The following TUSC3 variants were observed in gnomAD, a reference collection of about 807,000 sequenced individuals.
TUSC3 encodes the protein dolichyl-diphosphooligosaccharide--protein glycosyltransferase subunit TUSC3.
TUSC3 carries 45 observed loss-of-function variants against 44.8 expected under a neutral mutation model. The ratio of observed to expected loss-of-function variants is 1.00; its 90% CI spans 0.79 to 1.29. The LOEUF is 1.29. Among genes scored for constraint, TUSC3 ranks in the 50% most tolerant of loss-of-function variants. The pLI is 0.00. For synonymous variants in TUSC3, 212 were observed against 152.9 expected, an observed-to-expected ratio of 1.39 and a Z score of -2.85; for missense variants, 519 against 437.9, an observed-to-expected ratio of 1.19 and a Z score of -1.65.
intron 1 of TUSC3, among the ~76,000 whole-genome samples, chr8:15,457,737 CTAA>C (rs1412915895): frequency 1.4e-5 from 2 of 146,260 alleles, no homozygotes; most frequent in African/African-American, 5.0e-5. Context: ...AATAAAATAT[CTAA>C]TAATTTAAAA....
At chr8:15,506,429 C>G (rs1053867491) in intron 2 of TUSC3, among the ~76,000 whole-genome samples, 13 of 152,278 alleles carry the variant, frequency 8.5e-5, no homozygotes, top group African/African-American at 3.1e-4. Context: ...ATTATCTGAC[C>G]TAACTTGTTT....
intron 2 of TUSC3, among the ~76,000 whole-genome samples, chr8:15,507,772 A>AAG (rs142572306): frequency 0.21 from 31,833 of 151,808 alleles, 3,824 homozygotes; most frequent in East Asian, 0.5. Flanking sequence ...TACTTGGGAA[A>AAG]AGAGAGAGAG....
downstream of TUSC3, among the ~76,000 whole-genome samples, chr8:15,771,040 A>G (rs1323607336): frequency 7.9e-5 from 12 of 152,208 alleles, no homozygotes; most frequent in Admixed American, 5.9e-4. Flanking sequence ...AACATGTAGA[A>G]GAAATCCTCA....
intron 3 of TUSC3, among the ~76,000 whole-genome samples, chr8:15,651,213 A>C (rs750821758): frequency 2.6e-5 from 4 of 152,212 alleles, no homozygotes; most frequent in Non-Finnish European, 5.9e-5. Flanking sequence ...GTTTACATGC[A>C]TTGGTCTTAT....
the TUSC3 span, among the ~76,000 whole-genome samples, chr8:15,828,496 T>C: frequency 1.3e-5 from 2 of 152,218 alleles, no homozygotes; most frequent in African/African-American, 4.8e-5. Context: ...ACTTCTCTAG[T>C]AGTTGAAGTG....
intron 5 of TUSC3, among the ~76,000 whole-genome samples, chr8:15,667,716 C>G (rs1807730052): frequency 6.6e-6 from 1 of 151,672 alleles, no homozygotes; most frequent in African/African-American, 2.4e-5. Flanking sequence ...TAGTGGAAAT[C>G]TATGAAATAA....
Position 15,743,552 on chromosome 8 carries a change from A to G in TUSC3, c.877A>G (p.Met293Val), listed in dbSNP as rs200179670. The change falls in exon 8 of 11, where the codon ATG becomes GTG. Residue 293 changes from methionine to valine, a missense_variant. Physicochemically the swap from Met to Val is conservative, Grantham distance 21. Coordinates refer to ENST00000503731, the MANE Select transcript of TUSC3 (RefSeq NM_006765.4). ...AACTACTGCAGATGCCGCTATCACC[A>G]TGGGGATGGTTCTTCTAAATGAAGC... is the stretch of plus-strand genomic sequence containing the variant. ...IILVLNAAIT[M>V]GMVLLNEAAT... is the part of the protein sequence containing the mutation. 1.9e-6 allele frequency: 3 copies of G among 1,613,932 alleles called. No individual in the cohort carries two copies. The highest frequency in any genetic ancestry group is 2.7e-5 in the African/African-American group (2 of 75,044).
chr8:15,589,602 A>G (rs1370257553), intron 1 of TUSC3, among the ~76,000 whole-genome samples: 12 of 152,184 alleles, frequency 7.9e-5, no homozygotes, highest in Admixed American at 7.2e-4. Context: ...ATTTATAAGT[A>G]ATGTACTAGA....
At chr8:15,608,742 C>T (rs1804638283) in intron 1 of TUSC3, among the ~76,000 whole-genome samples, 1 of 152,280 alleles carries the variant, frequency 6.6e-6, no homozygotes, top group East Asian at 1.9e-4. Flanking sequence ...GATGTGCCAG[C>T]TTCCCCTTCC....
At chr8:15,805,957 G>C in the TUSC3 span, among the ~76,000 whole-genome samples, 1 of 152,124 alleles carries the variant, frequency 6.6e-6, no homozygotes, top group African/African-American at 2.4e-5. Flanking sequence ...TTACTTAAGT[G>C]TCAAATTTAC....
chr8:15,490,174 T>C (rs1397314913), intron 2 of TUSC3, among the ~76,000 whole-genome samples: 1 of 152,206 alleles, frequency 6.6e-6, no homozygotes, highest in Admixed American at 6.5e-5. Context: ...AACAAACAAG[T>C]GATGGTGAGT....
chr8:15,778,795 C>T, the TUSC3 span, among the ~76,000 whole-genome samples: 1 of 152,332 alleles, frequency 6.6e-6, no homozygotes, highest in East Asian at 1.9e-4. Context: ...CCTTAGGCTA[C>T]TGTGACTATC....
intron 6 of TUSC3, among the ~76,000 whole-genome samples, chr8:15,720,225 CACACACACAG>C (rs1234899429): frequency 1.2e-4 from 18 of 150,056 alleles, no homozygotes; most frequent in South Asian, 4.2e-4. Flanking sequence ...CACACACACA[CACACACACAG>C]AGAGAACATT....
At chr8:15,794,846 T>C in the TUSC3 span, among the ~76,000 whole-genome samples, 1 of 152,156 alleles carries the variant, frequency 6.6e-6, no homozygotes, top group Non-Finnish European at 1.5e-5. Flanking sequence ...AGAGACGAAC[T>C]ATCTTCCATG....
chr8:15,724,243 T>C (rs930008321), intron 6 of TUSC3, among the ~76,000 whole-genome samples: 2 of 152,120 alleles, frequency 1.3e-5, no homozygotes, highest in African/African-American at 4.8e-5. Flanking sequence ...TTTGAACCTC[T>C]TGAACTGTGA....
chr8:15,833,107 A>G, the TUSC3 span, among the ~76,000 whole-genome samples: 1 of 152,212 alleles, frequency 6.6e-6, no homozygotes, highest in African/African-American at 2.4e-5. Context: ...CATATAAGTA[A>G]AAGCTCAACA....
At position 15,489,150 on chromosome 8, in the gene TUSC3, A is replaced by G. The variant is rs140994090; in HGVS notation, n.189+5667A>G. Among the ~76,000 whole-genome samples the G allele has an allele frequency of 4.9e-3, 739 of 152,358 alleles. 5 individuals are homozygous for G. The highest frequency in any genetic ancestry group is 0.017 in the African/African-American group (694 of 41,586). ...TTGATTTTATACATTTTAGAGGGACAGAAGCTCCAGGTATGCATCAGTCAA... is the reference window on the plus strand; with the variant it reads ...TTGATTTTATACATTTTAGAGGGACGGAAGCTCCAGGTATGCATCAGTCAA... On this transcript the variant is annotated intron_variant and non_coding_transcript_variant, in intron 2 of 5. Coordinates refer to the TUSC3 transcript ENST00000503191.
intron 2 of TUSC3, among the ~76,000 whole-genome samples, chr8:15,624,415 T>C (rs2129165120): frequency 1.3e-5 from 2 of 152,340 alleles, no homozygotes; most frequent in East Asian, 3.9e-4. Context: ...AATGGCTGTA[T>C]CATTTCACAT....
chr8:15,648,870 T>C (rs189777444), intron 2 of TUSC3, among the ~76,000 whole-genome samples: 49 of 151,366 alleles, frequency 3.2e-4, no homozygotes, highest in African/African-American at 1.1e-3. Context: ...CAGGAGTCCA[T>C]GAAGAGCCCT....
Sources: gnomAD v4.1 joint callset for allele counts (sites outside exome capture counted in the v4.1 genomes callset) on GRCh38, gnomAD v4.1.1 for gene constraint, MANE v1.5 for transcripts, NCBI Gene and HGNC (gene_info 2026-07-23, HGNC 2026-07-21) for gene names.